NR3C1: variants seen among roughly 807,000 people sequenced by gnomAD.
The protein encoded by NR3C1 is nuclear receptor subfamily 3 group C member 1.
NR3C1 carries 14 observed loss-of-function variants against 74.0 expected under a neutral mutation model. The ratio of observed to expected loss-of-function variants is 0.19; its 90% CI spans 0.12 to 0.30. The LOEUF (loss-of-function observed/expected upper bound fraction) is 0.30. Among genes scored for constraint, NR3C1 ranks in the 10% least tolerant of loss-of-function variants. NR3C1 has a pLI of 1.00. For synonymous variants in NR3C1, 308 were observed against 332.5 expected, an observed-to-expected ratio of 0.93 and a Z score of 0.80; for missense variants, 695 against 909.8, an observed-to-expected ratio of 0.76 and a Z score of 3.04.
intron 8 of NR3C1, 133 bp from the exon 9 acceptor site, chr5:143,282,174 A>T: frequency 1.1e-6 from 1 of 879,330 alleles, no homozygotes; most frequent in Non-Finnish European, 1.8e-6. Context: ...CCCAGATGAA[A>T]AATAAGCACT....
rs1189548886 is a variant in NR3C1, at chr5:143,282,697, C to T, written c.2052G>A (p.Glu684=). The T allele has an allele frequency of 3.1e-6, 5 of 1,613,746 alleles. No individual in the cohort carries two copies. Among genetic ancestry groups the T allele is most frequent in the Non-Finnish European group, 4.2e-6 (5 of 1,179,916 alleles). Residue 684 remains glutamate (E), a synonymous_variant, in exon 8 of 9, where the codon GAG becomes GAA. Transcript: ENST00000394464. ...SVPKDGLKSQ[E]LFDEIRMTYI... ...AGGTCATTCTAATTTCATCAAATAGCTCTTGGCTCTTCAGACCGTCCTTAG... is the reference window on the plus strand; with the variant it reads ...AGGTCATTCTAATTTCATCAAATAGTTCTTGGCTCTTCAGACCGTCCTTAG...
chr5:143,347,187 A>G (rs1396807742), intron 2 of NR3C1, among the ~76,000 whole-genome samples: 1 of 152,204 alleles, frequency 6.6e-6, no homozygotes, highest in African/African-American at 2.4e-5. Flanking sequence ...AAATTGTCTT[A>G]CCAAACTAAA....
chr5:143,317,093 G>A (rs554053617), intron 2 of NR3C1, among the ~76,000 whole-genome samples: 26 of 152,182 alleles, frequency 1.7e-4, no homozygotes, highest in Admixed American at 9.2e-4. Context: ...CATAGACATC[G>A]GTGAAAAAAG....
At chr5:143,339,318 T>C (rs1230903855) in intron 2 of NR3C1, among the ~76,000 whole-genome samples, 1 of 152,194 alleles carries the variant, frequency 6.6e-6, no homozygotes, top group African/African-American at 2.4e-5. Context: ...TCTTTGATGA[T>C]TTCTTACCTT....
chr5:143,380,905 T>G (rs1836101845), intron 2 of NR3C1, among the ~76,000 whole-genome samples: 2 of 151,806 alleles, frequency 1.3e-5, no homozygotes, highest in Non-Finnish European at 2.9e-5. Flanking sequence ...AAGACAAGAG[T>G]GCCCACTGTT....
chr5:143,395,775 A>C (rs1161023001), intron 2 of NR3C1, among the ~76,000 whole-genome samples: 1 of 151,916 alleles, frequency 6.6e-6, no homozygotes, highest in Non-Finnish European at 1.5e-5. Flanking sequence ...TGCAGGCCAG[A>C]GTAGACTAAG....
At chr5:143,332,988 A>C in intron 2 of NR3C1, 2 of 1,588,040 alleles carry the variant, frequency 1.3e-6, no homozygotes, top group South Asian at 2.2e-5. Flanking sequence ...CAAGAATAAG[A>C]CCATCCCTCT....
At chr5:143,319,705 A>G (rs2151643122) in intron 2 of NR3C1, among the ~76,000 whole-genome samples, 1 of 152,288 alleles carries the variant, frequency 6.6e-6, no homozygotes, top group South Asian at 2.1e-4. Context: ...AAGGCACAGG[A>G]CAGCCCCCAC....
At chr5:143,319,768 TG>T in intron 2 of NR3C1, among the ~76,000 whole-genome samples, 1 of 151,290 alleles carries the variant, frequency 6.6e-6, no homozygotes, top group Non-Finnish European at 1.5e-5. Context: ...TGAGAAAACC[TG>T]GCCATAAAGC....
At chr5:143,384,334 T>C (rs1359166291) in intron 2 of NR3C1, among the ~76,000 whole-genome samples, 1 of 152,114 alleles carries the variant, frequency 6.6e-6, no homozygotes, top group Non-Finnish European at 1.5e-5. Flanking sequence ...CCCTCCTAAA[T>C]CTCATGTTCT....
At chr5:143,369,028 C>T (rs769489730) in intron 2 of NR3C1, among the ~76,000 whole-genome samples, 19 of 152,302 alleles carry the variant, frequency 1.2e-4, no homozygotes, top group African/African-American at 1.9e-4. Context: ...AGTACATTAA[C>T]TCATGAATGG....
At chr5:143,382,736 C>A (rs180875548) in intron 2 of NR3C1, among the ~76,000 whole-genome samples, 22 of 152,310 alleles carry the variant, frequency 1.4e-4, no homozygotes. Flanking sequence ...AAAACTAGCT[C>A]CATTTGGAAT....
chr5:143,346,737 C>A (rs1246966238), intron 2 of NR3C1, among the ~76,000 whole-genome samples: 3 of 152,188 alleles, frequency 2.0e-5, no homozygotes, highest in African/African-American at 7.2e-5. Context: ...AAAAACTTAA[C>A]ACAACTATAC....
chr5:143,324,274 A>AT (rs1025165573), intron 2 of NR3C1, among the ~76,000 whole-genome samples: 1 of 152,200 alleles, frequency 6.6e-6, no homozygotes, highest in Non-Finnish European at 1.5e-5. Flanking sequence ...AGGTGTTTCC[A>AT]TACGTCTTCT....
intron 1 of NR3C1, among the ~76,000 whole-genome samples, chr5:143,432,866 T>A (rs566470174): frequency 6.6e-6 from 1 of 152,290 alleles, no homozygotes; most frequent in African/African-American, 2.4e-5. Flanking sequence ...GTCCACAGCC[T>A]ACTGAGTAAC....
chr5:143,301,817 T>G (rs1426359064), intron 4 of NR3C1, among the ~76,000 whole-genome samples: 2 of 152,090 alleles, frequency 1.3e-5, no homozygotes, highest in Non-Finnish European at 2.9e-5. Flanking sequence ...TCCTCTGTCC[T>G]TAAAATGACA....
rs565597632 is a variant in NR3C1 at position 143,411,453 on chromosome 5, C to A, written c.-13-10601G>T. ...TTTTTGTTGCTTCACTTTTATCTCG[C>A]TCATTAATGTAAAAATATCAACCAA... On this transcript the variant is annotated intron_variant, in intron 1 of 8. Transcript: ENST00000343796. Among the ~76,000 whole-genome samples, 4 of 152,292 alleles carry A rather than the reference C, an allele frequency of 2.6e-5. No homozygotes were observed. The East Asian group carries it at 7.7e-4, about 29-fold the overall frequency.
chr5:143,293,626 C>A (rs1458743487), intron 7 of NR3C1, among the ~76,000 whole-genome samples: 1 of 152,186 alleles, frequency 6.6e-6, no homozygotes, highest in Non-Finnish European at 1.5e-5. Flanking sequence ...GCTTGAGTTC[C>A]ACTTATCTCT....
chr5:143,282,751 A>G lies in NR3C1; in HGVS notation c.2024-26T>C, dbSNP rs1813380386. 4 of 1,605,994 alleles carry G rather than the reference A, an allele frequency of 2.5e-6. No individual in the cohort carries two copies. The East Asian group carries it at 6.7e-5, about 27-fold the overall frequency. ...CTAAAAGGTTAAGATGAAGTCAGTTAAAGGATTTTCTTTTTCTTTTCTTTT... is the reference window on the plus strand; with the variant it reads ...CTAAAAGGTTAAGATGAAGTCAGTTGAAGGATTTTCTTTTTCTTTTCTTTT... On this transcript the variant is annotated intron_variant, in intron 7 of 8. Transcript: ENST00000394464.
Sources: gnomAD v4.1 joint callset for allele counts (sites outside exome capture counted in the v4.1 genomes callset) on GRCh38, gnomAD v4.1.1 for gene constraint, MANE v1.5 for transcripts, NCBI Gene and HGNC (gene_info 2026-07-23, HGNC 2026-07-21) for gene names.